TMEM268: variants seen among roughly 807,000 people sequenced by gnomAD.
TMEM268 encodes the protein transmembrane protein C9orf91.
TMEM268 carries 24 observed loss-of-function variants against 39.1 expected under a neutral mutation model. The ratio of observed to expected loss-of-function variants is 0.61; its 90% CI spans 0.44 to 0.86. TMEM268 has a LOEUF of 0.86. TMEM268 is among the 40% of genes least tolerant of loss of function. TMEM268 has a pLI of 0.00. For synonymous variants in TMEM268, 176 were observed against 173.5 expected, an observed-to-expected ratio of 1.01 and a Z score of -0.12; for missense variants, 409 against 428.6, an observed-to-expected ratio of 0.95 and a Z score of 0.40.
intron 1 of TMEM268, among the ~76,000 whole-genome samples, chr9:114,615,796 TCTC>T (rs1290640343): frequency 6.6e-6 from 1 of 151,862 alleles, no homozygotes; most frequent in Non-Finnish European, 1.5e-5. Context: ...TTCAAGTGAT[TCTC>T]CTGCCTCAGC....
chr9:114,637,841 T>C (rs1448927442), intron 7 of TMEM268, among the ~76,000 whole-genome samples: 1 of 152,176 alleles, frequency 6.6e-6, no homozygotes, highest in African/African-American at 2.4e-5. Context: ...CCTGGGCTCC[T>C]TCTCTAGGAT....
At chr9:114,609,603 T>C (rs1291144756), upstream of TMEM268, among the ~76,000 whole-genome samples, 1 of 151,476 alleles carries the variant, frequency 6.6e-6, no homozygotes, top group East Asian at 1.9e-4. Flanking sequence ...GAGGATCCCT[T>C]GAGCCTGAGA....
intron 8 of TMEM268, 90 bp downstream of exon 8, chr9:114,638,816 G>C (rs1846761188): frequency 1.0e-6 from 1 of 982,416 alleles, no homozygotes; most frequent in African/African-American, 1.7e-5. Flanking sequence ...GATTCCCCAA[G>C]ACATGCTTCT....
upstream of TMEM268, among the ~76,000 whole-genome samples, chr9:114,607,537 C>G (rs1845381650): frequency 2.6e-5 from 4 of 152,214 alleles, no homozygotes; most frequent in South Asian, 8.3e-4. Flanking sequence ...TGCCTGTAGT[C>G]CCAGATACTT....
At chr9:114,620,917 C>A (rs548781988) in intron 2 of TMEM268, among the ~76,000 whole-genome samples, 9 of 122,420 alleles carry the variant, frequency 7.4e-5, no homozygotes, top group African/African-American at 2.8e-4. Flanking sequence ...CCTTGTCCCC[C>A]ACCACTTCCA....
intron 5 of TMEM268, among the ~76,000 whole-genome samples, chr9:114,632,164 G>T (rs1846430851): frequency 1.4e-5 from 2 of 141,378 alleles, no homozygotes; most frequent in South Asian, 4.9e-4. Flanking sequence ...GCTGACCAGA[G>T]AATTCTAAGT....
chr9:114,644,038 A>G lies in TMEM268; in HGVS notation c.*725A>G, dbSNP rs1396666405. On this transcript the variant is annotated 3_prime_UTR_variant, in exon 9 of 9. Transcript: ENST00000288502. The stretch of plus-strand genomic sequence containing the variant: ...GGACTTATTTTGTTCACAGGCATGC[A>G]CGCTTGTGGTTGTGGTTTTATATTA... 2 of 152,232 alleles carry G rather than the reference A, an allele frequency of 1.3e-5. No individual in the cohort carries two copies. Among genetic ancestry groups the G allele is most frequent in the African/African-American group, 4.8e-5 (2 of 41,448 alleles). 9.4% of individuals were successfully genotyped at this position (152,232 alleles called of 1,614,324 possible).
At chr9:114,613,372 GC>G (rs1845581271) in intron 1 of TMEM268, among the ~76,000 whole-genome samples, 1 of 152,200 alleles carries the variant, frequency 6.6e-6, no homozygotes, top group Admixed American at 6.5e-5. Context: ...GGTCCCCCAG[GC>G]CTTTTTGAGA....
upstream of TMEM268, among the ~76,000 whole-genome samples, chr9:114,609,602 T>A (rs992586029): frequency 6.7e-6 from 1 of 150,336 alleles, no homozygotes; most frequent in Non-Finnish European, 1.5e-5. Flanking sequence ...GGAGGATCCC[T>A]TGAGCCTGAG....
At chr9:114,612,253 G>T (rs889786320) in intron 1 of TMEM268, among the ~76,000 whole-genome samples, 8 of 152,218 alleles carry the variant, frequency 5.3e-5, no homozygotes, top group Non-Finnish European at 1.0e-4. Context: ...GGACTTAAGA[G>T]TATGTTCCTT....
At chr9:114,612,751 C>G (rs754216540) in intron 1 of TMEM268, among the ~76,000 whole-genome samples, 1 of 152,182 alleles carries the variant, frequency 6.6e-6, no homozygotes, top group African/African-American at 2.4e-5. Flanking sequence ...TTCCCCCACC[C>G]CAACCAAGGT....
chr9:114,631,166 C>T (rs963863550), intron 5 of TMEM268, among the ~76,000 whole-genome samples: 2 of 150,828 alleles, frequency 1.3e-5, no homozygotes, highest in South Asian at 2.1e-4. Flanking sequence ...ATAAAATCAG[C>T]GGGGTGTGGT....
chr9:114,605,169 T>A, the TMEM268 span, among the ~76,000 whole-genome samples: 1 of 152,214 alleles, frequency 6.6e-6, no homozygotes, highest in African/African-American at 2.4e-5. Context: ...CTTTGATCAG[T>A]CTTGCGTGTT....
In TMEM268 at chr9:114,611,363, T is replaced by C. The variant is rs1845473863; in HGVS notation, c.-280T>C. The C allele has an allele frequency of 6.6e-6, 1 of 151,680 alleles. No homozygotes were observed. Among genetic ancestry groups the C allele is most frequent in the Admixed American group, 6.6e-5 (1 of 15,208 alleles). The allele number at this position is 151,680 out of a possible 1,614,324, so 9.4% of individuals were successfully genotyped here. A position where few individuals can be genotyped will look rare whatever the true frequency, so the allele number is the denominator to read the frequency against. On this transcript the variant is annotated 5_prime_UTR_variant, in exon 1 of 9. Transcript: ENST00000288502. Reference sequence around the variant, plus strand: ...CGTTCCCTCTTGGCCCCAAAGCGAGTCCGGCGGGCGGCTCCTCGGGGTTGG... The same window carrying C: ...CGTTCCCTCTTGGCCCCAAAGCGAGCCCGGCGGGCGGCTCCTCGGGGTTGG...
chr9:114,610,828 C>T (rs989752869), upstream of TMEM268, among the ~76,000 whole-genome samples: 3 of 152,144 alleles, frequency 2.0e-5, no homozygotes, highest in African/African-American at 7.2e-5. Flanking sequence ...AAATAATTTA[C>T]CAAAGACGAT....
At chr9:114,625,029 A>G (rs984805996) in intron 3 of TMEM268, among the ~76,000 whole-genome samples, 47 of 152,346 alleles carry the variant, frequency 3.1e-4, no homozygotes, top group African/African-American at 1.1e-3. Context: ...ACCTTCAAGC[A>G]TAGTGATTTG....
upstream of TMEM268, among the ~76,000 whole-genome samples, chr9:114,610,350 T>C (rs952816697): frequency 2.0e-5 from 3 of 152,202 alleles, no homozygotes; most frequent in African/African-American, 7.2e-5. Flanking sequence ...GTAATGTTTT[T>C]AATGGCAAAA....
intron 1 of TMEM268, among the ~76,000 whole-genome samples, chr9:114,614,059 A>G (rs535479033): frequency 5.9e-5 from 9 of 152,328 alleles, no homozygotes; most frequent in African/African-American, 2.2e-4. Context: ...CACAGCAGCT[A>G]TAGGAGGTAG....
chr9:114,612,672 C>G (rs958451614), intron 1 of TMEM268, among the ~76,000 whole-genome samples: 1 of 152,204 alleles, frequency 6.6e-6, no homozygotes, highest in African/African-American at 2.4e-5. Flanking sequence ...ACTGGCCTCT[C>G]TTGGCTCTCA....
Sources: allele counts gnomAD v4.1 joint callset (sites outside exome capture counted in the v4.1 genomes callset), GRCh38; gene constraint gnomAD v4.1.1; transcripts MANE v1.5; gene names NCBI Gene and HGNC (gene_info 2026-07-23, HGNC 2026-07-21).